Variants in ISL2 observed in about 807,000 individuals in gnomAD.
ISL2 encodes ISL LIM homeobox 2, also known as insulin gene enhancer protein ISL-2.
In ISL2, 17 loss-of-function variants were observed where a neutral mutation model predicts 34.6. The ratio of observed to expected loss-of-function variants is 0.49; its 90% CI spans 0.34 to 0.74. ISL2 has a LOEUF of 0.74. ISL2 is among the 30% of genes least tolerant of loss of function. The pLI is 0.01. For missense variants in ISL2, 469 were observed against 515.2 expected (o/e 0.91, Z 0.87); for synonymous variants, 232 against 225.5 (o/e 1.03, Z -0.26).
In ISL2 at chr15:76,342,025, G is replaced by A; in HGVS notation, c.*190G>A. 1 of 580,166 alleles carries A rather than the reference G, an allele frequency of 1.7e-6. No individual in the cohort carries two copies. The highest frequency in any genetic ancestry group is 2.2e-5 in the South Asian group (1 of 46,262). The allele number at this position is 580,166 out of a possible 1,614,324, so 35.9% of individuals were successfully genotyped here. A position where few individuals can be genotyped will look rare whatever the true frequency, so the allele number is the denominator to read the frequency against. Reference sequence around the variant, plus strand: ...GGATGCAACCTGCTTTCACCAGACTGCAGACCCCTGCTCCGAGGACTCTTA... The same window carrying A: ...GGATGCAACCTGCTTTCACCAGACTACAGACCCCTGCTCCGAGGACTCTTA... On this transcript the variant is annotated 3_prime_UTR_variant, in exon 6 of 6. Transcript: ENST00000290759.
chr15:76,339,980 C>G, intron 3 of ISL2: 2 of 1,253,362 alleles, frequency 1.6e-6, no homozygotes. Flanking sequence ...GGAGGCACAT[C>G]CCTGAGCAGC....
chr15:76,337,087 C>T, intron 1 of ISL2, 146 bp downstream of exon 1: 1 of 706,038 alleles, frequency 1.4e-6, no homozygotes, highest in East Asian at 2.5e-5. Context: ...ATGCATGTCT[C>T]CTGCAGGACT....
At position 76,338,523 on chromosome 15, in the gene ISL2, G is replaced by C; in HGVS notation, c.511+9G>C. On this transcript the variant is annotated intron_variant, in intron 3 of 5. Transcript: ENST00000290759. Reference sequence around the variant, plus strand: ...CGGCCTGCATCTGCCCGGTAAGCGCGCCGGGGCCTGTGCCGGGGTGAGCGG... The same window carrying C: ...CGGCCTGCATCTGCCCGGTAAGCGCCCCGGGGCCTGTGCCGGGGTGAGCGG... The C allele has an allele frequency of 7.7e-7, 1 of 1,301,478 alleles. No homozygotes were observed. The highest frequency in any genetic ancestry group is 9.7e-7 in the Non-Finnish European group (1 of 1,029,836). The allele number at this position is 1,301,478 out of a possible 1,614,324, so 80.6% of individuals were successfully genotyped here.
intron 3 of ISL2, 57 bp downstream of exon 3, chr15:76,338,571 T>A (rs1279212155): frequency 1.6e-6 from 2 of 1,274,032 alleles, no homozygotes; most frequent in Non-Finnish European, 2.0e-6. Context: ...TGCGTGTGTG[T>A]AGGGGTACGC....
Position 76,340,195 on chromosome 15 carries a change from G to A in ISL2, c.512-81G>A, listed in dbSNP as rs2040182718. ...ACAGAAACGAAATCGGGCCCCGGGGGGCTGGGCCACCCGGAGGTTGGGCTC... is the reference window on the plus strand; with the variant it reads ...ACAGAAACGAAATCGGGCCCCGGGGAGCTGGGCCACCCGGAGGTTGGGCTC... On this transcript the variant is annotated intron_variant, in intron 3 of 5. Coordinates refer to ENST00000290759, the MANE Select transcript of ISL2 (RefSeq NM_145805.3). 6 of 1,454,848 alleles carry A rather than the reference G, an allele frequency of 4.1e-6. No individual in the cohort carries two copies. The South Asian group carries it at 7.1e-5, about 17-fold the overall frequency. The allele number at this position is 1,454,848 out of a possible 1,614,324, so 90.1% of individuals were successfully genotyped here.
At position 76,338,330 on chromosome 15, in the gene ISL2, G is replaced by T; in HGVS notation, c.327G>T (p.Val109=). Residue 109 remains valine, a synonymous_variant, in exon 3 of 6, where the codon GTG becomes GTT. Coordinates refer to ENST00000290759, the MANE Select transcript of ISL2 (RefSeq NM_145805.3). The part of the protein sequence containing the change: ...SDLVMRARDS[V]YHIECFRCSV... ...TGGTGATGAGGGCGCGGGACAGCGT[G>T]TACCACATCGAGTGCTTCCGCTGCT... 6.3e-7 allele frequency: 1 copy of T among 1,577,612 alleles called. No homozygotes were observed. Among genetic ancestry groups the T allele is most frequent in the Non-Finnish European group, 8.6e-7 (1 of 1,167,802 alleles).
In ISL2 at chr15:76,341,319, C is replaced by G. The variant is rs1431186123; in HGVS notation, c.963+18C>G. ...AACAGCTGGTGAGGCCCTGCCCTACCCGCCCCGACCTCGGGACTCTGCGGG... is the reference window on the plus strand; with the variant it reads ...AACAGCTGGTGAGGCCCTGCCCTACGCGCCCCGACCTCGGGACTCTGCGGG... On this transcript the variant is annotated intron_variant, in intron 5 of 5. Transcript: ENST00000290759. 1 of 1,579,666 alleles carries G rather than the reference C, an allele frequency of 6.3e-7. No individual in the cohort carries two copies. The highest frequency in any genetic ancestry group is 1.3e-5 in the African/African-American group (1 of 74,514).
At position 76,336,860 on chromosome 15, in the gene ISL2, CT is replaced by C; in HGVS notation, c.-21del. ...TCGTCCTTCTGCCCCTGGCCGCACACTTTGCGCACATCTCTTTTTCTGCATG... is the reference window on the plus strand; with the variant it reads ...TCGTCCTTCTGCCCCTGGCCGCACACTTGCGCACATCTCTTTTTCTGCATG... On this transcript the variant is annotated 5_prime_UTR_variant, in exon 1 of 6. Coordinates refer to ENST00000290759, the MANE Select transcript of ISL2 (RefSeq NM_145805.3). 1 of 1,610,034 alleles carries C rather than the reference CT, an allele frequency of 6.2e-7. No individual in the cohort carries two copies. Among genetic ancestry groups the C allele is most frequent in the Non-Finnish European group, 8.5e-7 (1 of 1,176,256 alleles).
At position 76,337,081 on chromosome 15, in the gene ISL2, A is replaced by T. The variant is rs1156520409; in HGVS notation, c.58+140A>T. On this transcript the variant is annotated intron_variant, in intron 1 of 5. Transcript: ENST00000290759. ...AGTTTAGGAGAGGAAAAACGAATGC[A>T]TGTCTCCTGCAGGACTGCTTATCTT... 6 of 741,598 alleles carry T rather than the reference A, an allele frequency of 8.1e-6. No individual in the cohort carries two copies. In the Admixed American group the frequency reaches 1.3e-4, roughly 16 times the overall value. 45.9% of individuals were successfully genotyped at this position (741,598 alleles called of 1,614,324 possible).
At position 76,341,015 on chromosome 15, in the gene ISL2, C is replaced by A. The variant is rs117096992; in HGVS notation, c.796-119C>A. The A allele has an allele frequency of 9.5e-3, 9,389 of 989,876 alleles. 61 individuals are homozygous for A. The highest frequency in any genetic ancestry group is 0.012 in the Non-Finnish European group (8,278 of 689,254). The allele number at this position is 989,876 out of a possible 1,614,324, so 61.3% of individuals were successfully genotyped here. On this transcript the variant is annotated intron_variant, in intron 4 of 5. Transcript: ENST00000290759. The stretch of plus-strand genomic sequence containing the variant: ...GGCTCTTCCGATGCGATCGAGTGTG[C>A]GCCTCCCCGCAAAGCAATGCAGACC...
intron 5 of ISL2, among the ~76,000 whole-genome samples, 155 bp from the exon 6 acceptor site, chr15:76,341,564 C>G (rs957710312): frequency 3.3e-5 from 5 of 152,184 alleles, no homozygotes; most frequent in Admixed American, 6.5e-5. Context: ...ATCCCCCCCT[C>G]GTGCGCCTGG....
intron 3 of ISL2, chr15:76,339,964 A>C: frequency 8.5e-7 from 1 of 1,182,144 alleles, no homozygotes. Flanking sequence ...GGGTCCTGCG[A>C]CTGGAGGAGG....
rs150905281 is a variant in ISL2 at position 76,341,757 on chromosome 15, C to A, written c.1002C>A (p.Ser334=). Residue 334 remains serine (S), a synonymous_variant, in exon 6 of 6, where the codon TCC becomes TCA. Coordinates refer to ENST00000290759, the MANE Select transcript of ISL2 (RefSeq NM_145805.3). ...AGTCCGGCTCCCTAGGCAACTCCTC[C>A]GGCAGCGACGTGACCTCCCTGTCCT... ...FSESGSLGNS[S]GSDVTSLSSQ... is the part of the protein sequence containing the mutation. 3 of 1,613,896 alleles carry A rather than the reference C, an allele frequency of 1.9e-6. No individual in the cohort carries two copies. The highest frequency in any genetic ancestry group is 2.7e-5 in the African/African-American group (2 of 74,938).
In ISL2 at chr15:76,336,942, G is replaced by A; in HGVS notation, c.58+1G>A. The A allele has an allele frequency of 6.2e-7, 1 of 1,609,046 alleles. No individual in the cohort carries two copies. Among genetic ancestry groups the A allele is most frequent in the South Asian group, 1.1e-5 (1 of 90,986 alleles). ...GGTGCTATGGGTGATCATTCCAAGA[G>A]TAAGTATTTCTGTGTGTGTGTGGGG... On this transcript the variant is annotated splice_donor_variant, in intron 1 of 5. Coordinates refer to ENST00000290759, the MANE Select transcript of ISL2 (RefSeq NM_145805.3). LOFTEE classifies it high-confidence loss of function.
At position 76,337,853 on chromosome 15, in the gene ISL2, A is replaced by C. The variant is rs1296779319; in HGVS notation, c.134A>C (p.Asp45Ala). ...HDQFILRVSP[D>A]LEWHAACLKC... ...CAGTTTATCCTGCGGGTGTCGCCCGACCTCGAGTGGCACGCGGCCTGCCTC... is the reference window on the plus strand; with the variant it reads ...CAGTTTATCCTGCGGGTGTCGCCCGCCCTCGAGTGGCACGCGGCCTGCCTC... Residue 45 changes from aspartate (D) to alanine (A), a missense_variant, in exon 2 of 6, where the codon GAC becomes GCC. Asp to Ala is a moderately radical substitution (Grantham distance 126). Around this residue, in one of 3 missense-constraint regions of ISL2, gnomAD observed 297 missense variants for 337.8 expected, o/e 0.88. Coordinates refer to ENST00000290759, the MANE Select transcript of ISL2 (RefSeq NM_145805.3). The C allele has an allele frequency of 6.2e-7, 1 of 1,612,424 alleles. No individual in the cohort carries two copies. The highest frequency in any genetic ancestry group is 2.2e-5 in the East Asian group (1 of 44,824).
chr15:76,339,133 G>A, intron 3 of ISL2: 1 of 985,406 alleles, frequency 1.0e-6, no homozygotes, highest in Non-Finnish European at 1.2e-6. Flanking sequence ...GGGTCTGAGT[G>A]TATAATGGGC....
Position 76,341,292 on chromosome 15 carries a change from C to T in ISL2, c.954C>T (p.Phe318=), listed in dbSNP as rs753274712. 2.5e-6 allele frequency: 4 copies of T among 1,599,798 alleles called. No homozygotes were observed. The South Asian group carries it at 4.5e-5, about 18-fold the overall frequency. Residue 318 remains phenylalanine, a synonymous_variant, in exon 5 of 6, where the codon TTC becomes TTT. Transcript: ENST00000290759. ...AGAGCGACCTGGACCAACCCGCCTT[C>T]CAACAGCTGGTGAGGCCCTGCCCTA... ...ALQSDLDQPA[F]QQLVSFSESG...
intron 1 of ISL2, 101 bp from the exon 2 acceptor site, chr15:76,337,677 A>T: frequency 9.6e-7 from 1 of 1,037,020 alleles, no homozygotes; most frequent in Non-Finnish European, 1.4e-6. Context: ...CTTGAAAGAA[A>T]GAGCAAGAGA....
chr15:76,339,495 T>C lies in ISL2; in HGVS notation c.512-781T>C, dbSNP rs961114455. On this transcript the variant is annotated intron_variant, in intron 3 of 5. Coordinates refer to ENST00000290759, the MANE Select transcript of ISL2 (RefSeq NM_145805.3). ...CCCCCATCTGGGATCTCGGAGAGGCTCCCCTTTGTTTGTTTCGGGCTTCAG... is the reference window on the plus strand; with the variant it reads ...CCCCCATCTGGGATCTCGGAGAGGCCCCCCTTTGTTTGTTTCGGGCTTCAG... 105 of 985,458 alleles carry C rather than the reference T, an allele frequency of 1.1e-4. 1 individual carries two copies. The African/African-American group carries it at 1.8e-3, about 17-fold the overall frequency. The allele number at this position is 985,458 out of a possible 1,614,324, so 61.0% of individuals were successfully genotyped here.
Sources: allele counts gnomAD v4.1 joint callset (sites outside exome capture counted in the v4.1 genomes callset), GRCh38; gene constraint gnomAD v4.1.1; regional missense constraint gnomAD v4.1.1; transcripts MANE v1.5; gene names NCBI Gene and HGNC (gene_info 2026-07-23, HGNC 2026-07-21).